The following SPTBN1 variants were observed in gnomAD, a reference collection of about 807,000 sequenced individuals.
SPTBN1 encodes spectrin beta chain, non-erythrocytic 1.
SPTBN1 carries 32 observed loss-of-function variants against 266.4 expected under a neutral mutation model. That is an observed-to-expected ratio of 0.12 (90% CI 0.09 to 0.16). SPTBN1 has a LOEUF of 0.16. SPTBN1 is among the 10% of genes least tolerant of loss of function. The pLI is 1.00. For synonymous variants in SPTBN1, 1,336 were observed against 1,162.2 expected (o/e 1.15, Z -3.04); for missense variants, 2,296 against 3,067.1 (o/e 0.75, Z 5.94).
chr2:54,634,881 C>T (rs545579017), intron 17 of SPTBN1, among the ~76,000 whole-genome samples: 5 of 152,270 alleles, frequency 3.3e-5, no homozygotes, highest in African/African-American at 9.6e-5. Context: ...AAGAGACTGT[C>T]CTCAGCCTGC....
At position 54,626,175 on chromosome 2, in the gene SPTBN1, G is replaced by C. The variant is rs1267808511; in HGVS notation, c.1585G>C (p.Gly529Arg). 6.2e-7 allele frequency: 1 copy of C among 1,614,204 alleles called. No homozygotes were observed. The highest frequency in any genetic ancestry group is 8.5e-7 in the Non-Finnish European group (1 of 1,180,042). ...GAGACAGCGGCTCGAGATGAACCTGGGGCTGCAGAAGATATTCCAGGAAAT... is the reference window on the plus strand; with the variant it reads ...GAGACAGCGGCTCGAGATGAACCTGCGGCTGCAGAAGATATTCCAGGAAAT... ...ARRQRLEMNL[G>R]LQKIFQEMLY... is the part of the protein sequence containing the mutation. The change falls in exon 12 of 36, where the codon GGG becomes CGG. Residue 529 changes from glycine to arginine, a missense_variant. By Grantham distance (125) the Gly-to-Arg change is moderately radical. Coordinates refer to ENST00000356805, the MANE Select transcript of SPTBN1 (RefSeq NM_003128.3). The surrounding 1 kb of genome is among the most constrained non-coding windows in gnomAD (Gnocchi z 4.7).
intron 1 of SPTBN1, among the ~76,000 whole-genome samples, chr2:54,518,454 TA>T (rs66586310): frequency 5.6e-4 from 81 of 143,652 alleles, no homozygotes; most frequent in South Asian, 2.9e-3. Flanking sequence ...AAAGTATAAT[TA>T]AAAAAAAAAA....
intron 2 of SPTBN1, among the ~76,000 whole-genome samples, chr2:54,551,571 G>A (rs1219869772): frequency 1.3e-5 from 2 of 152,212 alleles, no homozygotes; most frequent in Non-Finnish European, 2.9e-5. Flanking sequence ...AGTGTAACTT[G>A]CCGTTTTTCT....
At chr2:54,483,274 C>T (rs1315573217) in intron 1 of SPTBN1, among the ~76,000 whole-genome samples, 1 of 152,140 alleles carries the variant, frequency 6.6e-6, no homozygotes, top group African/African-American at 2.4e-5. Context: ...TTATGGGCCC[C>T]CATGTTCTTG....
chr2:54,532,302 G>A (rs1364207054), intron 2 of SPTBN1, among the ~76,000 whole-genome samples: 1 of 152,040 alleles, frequency 6.6e-6, no homozygotes, highest in African/African-American at 2.4e-5. Context: ...AATAATAATA[G>A]TTAGAATTAA....
chr2:54,523,489 A>G (rs1171814172), intron 1 of SPTBN1, among the ~76,000 whole-genome samples: 3 of 152,154 alleles, frequency 2.0e-5, no homozygotes, highest in Non-Finnish European at 2.9e-5. Context: ...CATGTGAGAA[A>G]ACAGCCATGA....
At chr2:54,623,789 C>T (rs1463275841) in intron 10 of SPTBN1, among the ~76,000 whole-genome samples, 193 bp downstream of exon 10, 1 of 152,174 alleles carries the variant, frequency 6.6e-6, no homozygotes, top group Non-Finnish European at 1.5e-5. Context: ...CTGCTGGAGG[C>T]TTCAGGGGGC....
chr2:54,604,804 C>T (rs1558419579), intron 3 of SPTBN1, among the ~76,000 whole-genome samples: 2 of 152,066 alleles, frequency 1.3e-5, no homozygotes, highest in Admixed American at 6.5e-5. Flanking sequence ...CAGGAATCCA[C>T]GGACTGTAGT....
In SPTBN1 at chr2:54,632,534, T is replaced by C. The variant is rs767038983; in HGVS notation, c.3565-32T>C. ...ACAGGAAAATGAGATCCTTCATTGA[T>C]CTGCTATGATTTGTTCCTCTTTTTA... On this transcript the variant is annotated intron_variant, in intron 16 of 35. Coordinates refer to ENST00000356805, the MANE Select transcript of SPTBN1 (RefSeq NM_003128.3). 3.1e-6 allele frequency: 5 copies of C among 1,605,814 alleles called. No individual in the cohort carries two copies. The South Asian group carries it at 5.5e-5, about 18-fold the overall frequency.
At chr2:54,637,559 A>AATCTCTTT (rs1553348463) in intron 17 of SPTBN1, among the ~76,000 whole-genome samples, 154 bp from the exon 18 acceptor site, 1 of 152,222 alleles carries the variant, frequency 6.6e-6, no homozygotes, top group Non-Finnish European at 1.5e-5. Context: ...AGGATGCTAA[A>AATCTCTTT]ATCTCTTTAT....
At chr2:54,655,455 C>G (rs1680588812) in intron 28 of SPTBN1, among the ~76,000 whole-genome samples, 1 of 152,230 alleles carries the variant, frequency 6.6e-6, no homozygotes, top group African/African-American at 2.4e-5. Context: ...CCTCCCCAAT[C>G]AGTACTCTTT....
intron 4 of SPTBN1, among the ~76,000 whole-genome samples, chr2:54,613,263 G>C (rs1436290621): frequency 6.6e-6 from 1 of 152,202 alleles, no homozygotes; most frequent in Non-Finnish European, 1.5e-5. Context: ...CTCAGTGACT[G>C]TGTTCTCTTG....
chr2:54,553,808 G>C (rs1224012856), intron 2 of SPTBN1, among the ~76,000 whole-genome samples: 1 of 152,174 alleles, frequency 6.6e-6, no homozygotes, highest in Non-Finnish European at 1.5e-5. Context: ...GGATGTTCAG[G>C]AAATGAACAT....
chr2:54,644,657 C>T, intron 20 of SPTBN1, 71 bp downstream of exon 20: 1 of 1,517,224 alleles, frequency 6.6e-7, no homozygotes, highest in Non-Finnish European at 8.8e-7. Flanking sequence ...AGTCTTTTCT[C>T]ACCCACTGCA....
intron 2 of SPTBN1, among the ~76,000 whole-genome samples, chr2:54,589,334 T>G (rs981177996): frequency 6.6e-6 from 1 of 152,114 alleles, no homozygotes; most frequent in African/African-American, 2.4e-5. Flanking sequence ...ATTTCTCAGT[T>G]ATTGTGGGTC....
At chr2:54,597,141 T>C (rs971689811) in intron 2 of SPTBN1, among the ~76,000 whole-genome samples, 4 of 152,220 alleles carry the variant, frequency 2.6e-5, no homozygotes, top group Admixed American at 2.6e-4. Flanking sequence ...AAGGATTTTA[T>C]AATTCACAAA....
rs897852486 is a variant in SPTBN1 at position 54,665,116 on chromosome 2, G to C, written c.6659+425G>C. ...ACAGCCCCAATTTTTTTATTTAACA[G>C]ATGGGGAACAGAGGCTCTGAGCGGT... is the stretch of plus-strand genomic sequence containing the variant. On this transcript the variant is annotated intron_variant, in intron 33 of 35. Coordinates refer to ENST00000356805, the MANE Select transcript of SPTBN1 (RefSeq NM_003128.3). 5.3e-5 allele frequency among the ~76,000 whole-genome samples: 8 copies of C among 152,246 alleles called. No homozygotes were observed. In the South Asian group the frequency reaches 1.7e-3, roughly 32 times the overall value.
At chr2:54,523,229 T>C (rs1178467112) in intron 1 of SPTBN1, among the ~76,000 whole-genome samples, 12 of 152,244 alleles carry the variant, frequency 7.9e-5, no homozygotes, top group African/African-American at 2.7e-4. Flanking sequence ...GAAGTTTTTG[T>C]GTTTTTATGA....
intron 10 of SPTBN1, 31 bp downstream of exon 10, chr2:54,623,627 T>G: frequency 1.9e-5 from 30 of 1,540,648 alleles, no homozygotes; most frequent in Middle Eastern, 1.7e-4. Flanking sequence ...GCATGGGCCC[T>G]GACCTCCTGG....
Sources: gnomAD v4.1 joint callset for allele counts (sites outside exome capture counted in the v4.1 genomes callset) on GRCh38, gnomAD v4.1.1 for gene constraint, Gnocchi (gnomAD v3.1) non-coding constraint, MANE v1.5 for transcripts, NCBI Gene and HGNC (gene_info 2026-07-23, HGNC 2026-07-21) for gene names.